PTPRD: variants seen among roughly 807,000 people sequenced by gnomAD.
The protein encoded by PTPRD is protein tyrosine phosphatase receptor type D, also known as receptor-type tyrosine-protein phosphatase delta.
PTPRD carries 34 observed loss-of-function variants against 214.5 expected under a neutral mutation model. The observed-to-expected ratio is 0.16, with a 90% CI of 0.12 to 0.21. The LOEUF (loss-of-function observed/expected upper bound fraction) is 0.21, where lower values mean the gene tolerates loss of function less well. Among genes scored for constraint, PTPRD ranks in the 10% least tolerant of loss-of-function variants. PTPRD has a pLI of 1.00. For synonymous variants in PTPRD, 1,128 were observed against 845.7 expected, an observed-to-expected ratio of 1.33 and a Z score of -5.79; for missense variants, 2,545 against 2,398.7, an observed-to-expected ratio of 1.06 and a Z score of -1.27.
chr9:9,177,033 G>A (rs2099925319), intron 10 of PTPRD, among the ~76,000 whole-genome samples: 1 of 152,040 alleles, frequency 6.6e-6, no homozygotes, highest in Admixed American at 6.6e-5. Context: ...TTTTCATACT[G>A]CTATAAAGAA....
intron 3 of PTPRD, among the ~76,000 whole-genome samples, chr9:10,318,875 G>C (rs1352075986): frequency 6.6e-6 from 1 of 152,064 alleles, no homozygotes; most frequent in Non-Finnish European, 1.5e-5. Flanking sequence ...GTCAGGCATT[G>C]AGCAACATCT....
At chr9:9,326,820 A>C (rs1239278893) in intron 9 of PTPRD, among the ~76,000 whole-genome samples, 1 of 152,126 alleles carries the variant, frequency 6.6e-6, no homozygotes, top group Admixed American at 6.6e-5. Context: ...AAACTATTTC[A>C]CCTTATAAAA....
In PTPRD at chr9:9,424,547, C is replaced by G. The variant is rs79335033; in HGVS notation, c.-236-27065G>C. Among the ~76,000 whole-genome samples the G allele has an allele frequency of 5.0e-3, 754 of 152,132 alleles. 6 individuals carry two copies. The highest frequency in any genetic ancestry group is 0.012 in the African/African-American group (485 of 41,494). On this transcript the variant is annotated intron_variant, in intron 8 of 45. Coordinates refer to ENST00000381196, the MANE Select transcript of PTPRD (RefSeq NM_002839.4). Reference sequence around the variant, plus strand: ...TCAGGTTTTTGAGAATTTAGGGATACTACTAATTACAAAGATAATAGAATC... The same window carrying G: ...TCAGGTTTTTGAGAATTTAGGGATAGTACTAATTACAAAGATAATAGAATC...
At chr9:9,726,091 G>A (rs1289763942) in intron 7 of PTPRD, among the ~76,000 whole-genome samples, 6 of 152,150 alleles carry the variant, frequency 3.9e-5, no homozygotes, top group Admixed American at 1.3e-4. Context: ...TGTTTTTTAA[G>A]GACAACTTGT....
intron 3 of PTPRD, among the ~76,000 whole-genome samples, chr9:10,214,011 C>T (rs773691057): frequency 1.3e-5 from 2 of 152,046 alleles, no homozygotes; most frequent in Non-Finnish European, 2.9e-5. Context: ...AATTATCTAT[C>T]AACAGCTGTA....
At chr9:9,876,799 C>A (rs1178622809) in intron 5 of PTPRD, among the ~76,000 whole-genome samples, 1 of 152,068 alleles carries the variant, frequency 6.6e-6, no homozygotes, top group Non-Finnish European at 1.5e-5. Context: ...TCAAGAAATT[C>A]AAAATAATGA....
intron 12 of PTPRD, among the ~76,000 whole-genome samples, chr9:8,655,046 G>T (rs2096883169): frequency 6.6e-6 from 1 of 152,038 alleles, no homozygotes; most frequent in African/African-American, 2.4e-5. Flanking sequence ...ACTTGTAAAT[G>T]TAATTGGAAT....
intron 7 of PTPRD, among the ~76,000 whole-genome samples, chr9:9,644,725 C>T (rs1214616927): frequency 5.3e-5 from 8 of 152,124 alleles, no homozygotes; most frequent in Non-Finnish European, 1.5e-5. Flanking sequence ...CAAAACCACA[C>T]TGGCCCACCA....
chr9:9,055,302 C>G (rs1033193116), intron 10 of PTPRD, among the ~76,000 whole-genome samples: 5 of 152,064 alleles, frequency 3.3e-5, no homozygotes, highest in African/African-American at 1.2e-4. Flanking sequence ...ATAAAGTGTG[C>G]TCACCACAAA....
At chr9:9,927,314 T>C (rs967164325) in intron 5 of PTPRD, among the ~76,000 whole-genome samples, 2 of 152,116 alleles carry the variant, frequency 1.3e-5, no homozygotes, top group African/African-American at 4.8e-5. Flanking sequence ...CTTTTCAGTA[T>C]TACCTTCCAT....
At chr9:8,454,783 G>A (rs1268895283) in intron 33 of PTPRD, among the ~76,000 whole-genome samples, 5 of 151,148 alleles carry the variant, frequency 3.3e-5, no homozygotes, top group East Asian at 3.9e-4. Context: ...ACTAAACAGA[G>A]GACATGAAGT....
At chr9:9,814,112 C>T (rs957668096) in intron 5 of PTPRD, among the ~76,000 whole-genome samples, 1 of 152,036 alleles carries the variant, frequency 6.6e-6, no homozygotes, top group South Asian at 2.1e-4. Context: ...CATGATAAAA[C>T]TCTGAAGAAT....
Position 10,306,108 on chromosome 9 carries a change from T to C in PTPRD, c.-545+34855A>G, listed in dbSNP as rs189426209. 6.8e-3 allele frequency among the ~76,000 whole-genome samples: 1,031 copies of C among 152,146 alleles called. 2 individuals carry two copies. Among genetic ancestry groups the C allele is most frequent in the Non-Finnish European group, 0.012 (800 of 67,994 alleles). ...TATGCATCCACAAAAAAGGACGAGTTCATGTCCTTTGCAGGGACATGGATG... is the reference window on the plus strand; with the variant it reads ...TATGCATCCACAAAAAAGGACGAGTCCATGTCCTTTGCAGGGACATGGATG... On this transcript the variant is annotated intron_variant, in intron 3 of 45. Transcript: ENST00000381196.
chr9:8,682,645 G>C (rs538911267), intron 12 of PTPRD, among the ~76,000 whole-genome samples: 1 of 152,110 alleles, frequency 6.6e-6, no homozygotes. Flanking sequence ...AGTGTAGCAG[G>C]TGATGTACAA....
chr9:10,237,280 T>C (rs1315531508), intron 3 of PTPRD, among the ~76,000 whole-genome samples: 2 of 151,942 alleles, frequency 1.3e-5, no homozygotes, highest in Non-Finnish European at 2.9e-5. Flanking sequence ...GCCACAATTA[T>C]TTTTAAACAT....
At chr9:9,693,532 G>C (rs901246080) in intron 7 of PTPRD, among the ~76,000 whole-genome samples, 4 of 152,004 alleles carry the variant, frequency 2.6e-5, no homozygotes, top group Non-Finnish European at 5.9e-5. Context: ...CTTTATAGCC[G>C]TGTGAAAATG....
At position 8,927,162 on chromosome 9, in the gene PTPRD, T is replaced by C. The variant is rs532916400; in HGVS notation, c.-104+91535A>G. 5.7e-4 allele frequency among the ~76,000 whole-genome samples: 87 copies of C among 152,228 alleles called. 1 individual carries two copies. The highest frequency in any genetic ancestry group is 2.1e-3 in the African/African-American group (87 of 41,548). The stretch of plus-strand genomic sequence containing the variant: ...ATTTAACAGCTTGAAATAAGAGTCC[T>C]ACCTCTACACCTTCTCTTTTCTAAG... On this transcript the variant is annotated intron_variant, in intron 11 of 45. Transcript: ENST00000381196.
chr9:9,506,851 C>T (rs1443827746), intron 8 of PTPRD, among the ~76,000 whole-genome samples: 2 of 151,340 alleles, frequency 1.3e-5, no homozygotes, highest in African/African-American at 4.8e-5. Flanking sequence ...CAGGACCTAC[C>T]AGTCTTGTTA....
At chr9:8,729,700 G>A (rs1189521674) in intron 12 of PTPRD, among the ~76,000 whole-genome samples, 1 of 152,148 alleles carries the variant, frequency 6.6e-6, no homozygotes, top group Non-Finnish European at 1.5e-5. Context: ...AAATGACAAA[G>A]ATATGGGAAA....
Sources: gnomAD v4.1 joint callset for allele counts (sites outside exome capture counted in the v4.1 genomes callset) on GRCh38, gnomAD v4.1.1 for gene constraint, MANE v1.5 for transcripts, NCBI Gene and HGNC (gene_info 2026-07-23, HGNC 2026-07-21) for gene names.